NRG3: variants seen among roughly 807,000 people sequenced by gnomAD.
NRG3 encodes the protein neuregulin 3.
A neutral mutation model predicts 66.9 loss-of-function variants in NRG3; 31 were observed. That is an observed-to-expected ratio of 0.46 (90% CI 0.35 to 0.63). The LOEUF is 0.63. Ranked by LOEUF, NRG3 falls within the 20% of genes least tolerant of loss-of-function variation. NRG3 has a pLI of 0.00. For missense variants in NRG3, 910 were observed against 878.9 expected, an observed-to-expected ratio of 1.04 and a Z score of -0.45; for synonymous variants, 393 against 359.4, an observed-to-expected ratio of 1.09 and a Z score of -1.06.
At chr10:82,613,056 A>T (rs672934) in intron 2 of NRG3, among the ~76,000 whole-genome samples, 11,355 of 152,256 alleles carry the variant, frequency 0.075, 536 homozygotes, top group East Asian at 0.14. Flanking sequence ...GTAGGTTTTA[A>T]TATCTGTGGT....
At chr10:82,465,287 C>G (rs749473448) in intron 2 of NRG3, among the ~76,000 whole-genome samples, 11 of 152,168 alleles carry the variant, frequency 7.2e-5, no homozygotes, top group Admixed American at 6.5e-4. Flanking sequence ...TAAGAGTGTT[C>G]TCTCTGGGTT....
At chr10:82,181,847 G>C (rs1410740223) in intron 1 of NRG3, among the ~76,000 whole-genome samples, 1 of 151,576 alleles carries the variant, frequency 6.6e-6, no homozygotes, top group African/African-American at 2.4e-5. Context: ...ATTGAAAGTG[G>C]GTATTGAAAG....
intron 2 of NRG3, among the ~76,000 whole-genome samples, chr10:82,587,730 T>C (rs1446157617): frequency 6.6e-6 from 1 of 152,202 alleles, no homozygotes; most frequent in Non-Finnish European, 1.5e-5. Flanking sequence ...ACAGGGGTTC[T>C]CTGTTTAGAG....
At chr10:82,250,968 G>T (rs930887496) in intron 1 of NRG3, among the ~76,000 whole-genome samples, 1 of 152,164 alleles carries the variant, frequency 6.6e-6, no homozygotes, top group Non-Finnish European at 1.5e-5. Flanking sequence ...ACAACGTTCT[G>T]GCTTGCAAGT....
intron 4 of NRG3, among the ~76,000 whole-genome samples, chr10:82,893,181 T>G (rs2136135932): frequency 6.6e-6 from 1 of 152,296 alleles, no homozygotes; most frequent in Admixed American, 6.5e-5. Flanking sequence ...ACATATCATT[T>G]ATACAAATAA....
intron 2 of NRG3, among the ~76,000 whole-genome samples, chr10:82,392,497 T>G (rs1298019282): frequency 1.3e-5 from 2 of 152,206 alleles, no homozygotes; most frequent in Non-Finnish European, 2.9e-5. Context: ...GGCGATAAAT[T>G]ACTGTTGCAT....
intron 3 of NRG3, among the ~76,000 whole-genome samples, chr10:82,759,453 A>G (rs1196368488): frequency 6.6e-6 from 1 of 152,200 alleles, no homozygotes; most frequent in Non-Finnish European, 1.5e-5. Context: ...AAATTCTTTT[A>G]TAACAACTCT....
intron 1 of NRG3, among the ~76,000 whole-genome samples, chr10:82,173,181 T>C (rs962270749): frequency 2.0e-5 from 3 of 152,184 alleles, no homozygotes; most frequent in Non-Finnish European, 4.4e-5. Context: ...TATTTGCATC[T>C]GCACATTGAT....
chr10:82,743,498 A>G (rs2058516006), intron 3 of NRG3, among the ~76,000 whole-genome samples: 1 of 152,144 alleles, frequency 6.6e-6, no homozygotes, highest in Non-Finnish European at 1.5e-5. Context: ...AGAAAAAAAC[A>G]ATCTTCGGTA....
chr10:82,371,364 G>A (rs1018668618), intron 2 of NRG3, among the ~76,000 whole-genome samples: 2 of 152,160 alleles, frequency 1.3e-5, no homozygotes, highest in Admixed American at 1.3e-4. Flanking sequence ...CCATATGTGA[G>A]GCTATAGAAT....
At chr10:82,920,948 T>C (rs2132063106) in intron 4 of NRG3, among the ~76,000 whole-genome samples, 3 of 152,234 alleles carry the variant, frequency 2.0e-5, no homozygotes, top group Admixed American at 2.0e-4. Context: ...TCAAATAATT[T>C]ATTTTGCTAC....
chr10:82,452,895 A>G (rs1186840342), intron 2 of NRG3, among the ~76,000 whole-genome samples: 1 of 152,148 alleles, frequency 6.6e-6, no homozygotes, highest in East Asian at 1.9e-4. Flanking sequence ...GGGGATTCCC[A>G]TGCCTTCTGT....
intron 2 of NRG3, among the ~76,000 whole-genome samples, chr10:82,443,631 G>A (rs1590151744): frequency 6.6e-6 from 1 of 152,138 alleles, no homozygotes; most frequent in Non-Finnish European, 1.5e-5. Flanking sequence ...TTCCTCTTCT[G>A]TACAGATCAT....
rs1028020919 is a variant in NRG3 at position 82,754,853 on chromosome 10, C to G, written c.1027+16203C>G. 3.1e-4 allele frequency among the ~76,000 whole-genome samples: 47 copies of G among 152,062 alleles called. 1 individual carries two copies. The highest frequency in any genetic ancestry group is 2.7e-3 in the Admixed American group (41 of 15,244). ...ATTACTGGTGTGTAATATCATGGTA[C>G]CAGACATTACTAATATGTAAGGAGC... On this transcript the variant is annotated intron_variant, in intron 3 of 8. Transcript: ENST00000372141.
At chr10:82,806,634 A>G (rs2061296161) in intron 3 of NRG3, among the ~76,000 whole-genome samples, 1 of 152,208 alleles carries the variant, frequency 6.6e-6, no homozygotes. Context: ...TCTGAGATGC[A>G]TCTAGGAGTT....
chr10:82,856,668 T>C (rs995848090), intron 3 of NRG3, among the ~76,000 whole-genome samples: 20 of 132,234 alleles, frequency 1.5e-4, no homozygotes, highest in African/African-American at 5.8e-4. Flanking sequence ...CACTTAAACC[T>C]GGGAGGCAGA....
intron 1 of NRG3, among the ~76,000 whole-genome samples, chr10:82,307,042 AT>A (rs1457901495): frequency 1.3e-5 from 2 of 151,520 alleles, no homozygotes; most frequent in Non-Finnish European, 2.9e-5. Context: ...TTAATTTCTT[AT>A]TTTATCACTT....
intron 3 of NRG3, among the ~76,000 whole-genome samples, chr10:82,751,137 T>A (rs1360201374): frequency 6.6e-6 from 1 of 152,166 alleles, no homozygotes; most frequent in Non-Finnish European, 1.5e-5. Context: ...CTGGCTCCCC[T>A]AACTATTTTT....
intron 3 of NRG3, among the ~76,000 whole-genome samples, chr10:82,847,132 G>T (rs1306845450): frequency 6.6e-6 from 1 of 152,186 alleles, no homozygotes; most frequent in East Asian, 1.9e-4. Context: ...AGGCTGCTCT[G>T]TCCAGCCTCC....
Sources: gnomAD v4.1 joint callset for allele counts (sites outside exome capture counted in the v4.1 genomes callset) on GRCh38, gnomAD v4.1.1 for gene constraint, MANE v1.5 for transcripts, NCBI Gene and HGNC (gene_info 2026-07-23, HGNC 2026-07-21) for gene names.